The following LIN7A variants were observed in gnomAD, a reference collection of about 807,000 sequenced individuals.
LIN7A encodes protein lin-7 homolog A.
Under a neutral mutation model 29.8 loss-of-function variants are expected in LIN7A, and 25 were observed. The observed-to-expected ratio is 0.84, with a 90% CI of 0.61 to 1.17. LIN7A has a LOEUF of 1.17. Among genes scored for constraint, LIN7A ranks in the 50% most tolerant of loss-of-function variants. The pLI, the probability that LIN7A is intolerant of heterozygous loss-of-function variation, is 0.00. For missense variants in LIN7A, 239 were observed against 287.0 expected (o/e 0.83, Z 1.21); for synonymous variants, 118 against 107.5 (o/e 1.10, Z -0.60).
chr12:80,859,376 C>T (rs557255465), intron 2 of LIN7A, among the ~76,000 whole-genome samples: 31 of 152,252 alleles, frequency 2.0e-4, no homozygotes, highest in Non-Finnish European at 3.8e-4. Context: ...TTGTTTGAGT[C>T]ATTTTGTGAT....
rs1870442141 is a variant in LIN7A at position 80,796,199 on chromosome 12, T to C, written c.*1528A>G. 1 of 152,190 alleles carries C rather than the reference T, an allele frequency of 6.6e-6. No individual in the cohort carries two copies. The highest frequency in any genetic ancestry group is 2.4e-5 in the African/African-American group (1 of 41,454). 9.4% of individuals were successfully genotyped at this position (152,190 alleles called of 1,614,324 possible). ...TTATCTGAAGTGTCAAATTGTATTG[T>C]ATCTTGGGGAATCAATTTCTGTATT... On this transcript the variant is annotated 3_prime_UTR_variant, in exon 6 of 6. Transcript: ENST00000552864.
intron 2 of LIN7A, among the ~76,000 whole-genome samples, chr12:80,868,429 G>A (rs192788164): frequency 6.6e-6 from 1 of 152,306 alleles, no homozygotes; most frequent in East Asian, 1.9e-4. Flanking sequence ...TTTGCTAGGT[G>A]TGATGGCGCA....
Position 80,889,376 on chromosome 12 carries a change from G to T in LIN7A, c.83-7C>A, listed in dbSNP as rs763505883. 6.2e-6 allele frequency: 9 copies of T among 1,462,434 alleles called. No individual in the cohort carries two copies. Among genetic ancestry groups the T allele is most frequent in the Non-Finnish European group, 8.6e-6 (9 of 1,047,486 alleles). The allele number at this position is 1,462,434 out of a possible 1,614,324, so 90.6% of individuals were successfully genotyped here. ...TCAATTGCTCTTGCAACATCTGAAT[G>T]AAAAAAAATGAAAATAGAGAAACCT... On this transcript the variant is annotated splice_region_variant and splice_polypyrimidine_tract_variant and intron_variant, in intron 1 of 5. Coordinates refer to ENST00000552864, the MANE Select transcript of LIN7A (RefSeq NM_004664.4).
intron 2 of LIN7A, among the ~76,000 whole-genome samples, chr12:80,886,160 CA>C (rs1479399144): frequency 6.6e-6 from 1 of 151,090 alleles, no homozygotes; most frequent in African/African-American, 2.4e-5. Flanking sequence ...CAGATAACCA[CA>C]AAGATTCTGA....
At chr12:80,891,634 C>T (rs1427404018) in intron 1 of LIN7A, among the ~76,000 whole-genome samples, 2 of 152,116 alleles carry the variant, frequency 1.3e-5, no homozygotes, top group Non-Finnish European at 2.9e-5. Flanking sequence ...GGGCAGGGGT[C>T]ACAGACATGC....
At chr12:80,806,725 T>C (rs1871007809) in intron 5 of LIN7A, among the ~76,000 whole-genome samples, 1 of 152,234 alleles carries the variant, frequency 6.6e-6, no homozygotes, top group Admixed American at 6.5e-5. Flanking sequence ...TAGTAAGAAT[T>C]AGCAAGTGTG....
intron 4 of LIN7A, among the ~76,000 whole-genome samples, chr12:80,828,917 G>A (rs1872213439): frequency 6.6e-6 from 1 of 152,066 alleles, no homozygotes; most frequent in Admixed American, 6.6e-5. Context: ...AACGGATTGA[G>A]GAAAACAGTT....
At chr12:80,922,674 C>A (rs1159566046) in intron 1 of LIN7A, among the ~76,000 whole-genome samples, 1 of 152,134 alleles carries the variant, frequency 6.6e-6, no homozygotes, top group Non-Finnish European at 1.5e-5. Context: ...AGTAATCCCC[C>A]CTTATCCTCA....
chr12:80,837,622 G>T (rs1464914494), intron 4 of LIN7A, among the ~76,000 whole-genome samples: 1 of 152,134 alleles, frequency 6.6e-6, no homozygotes, highest in Non-Finnish European at 1.5e-5. Flanking sequence ...TTGGCTTCCA[G>T]GGCTGTGAGA....
intron 4 of LIN7A, among the ~76,000 whole-genome samples, chr12:80,824,866 A>C (rs545212973): frequency 6.6e-6 from 1 of 152,376 alleles, no homozygotes; most frequent in African/African-American, 2.4e-5. Context: ...ACATACCTTA[A>C]GGTAATAAAA....
chr12:80,852,470 A>G (rs765632403), intron 2 of LIN7A, among the ~76,000 whole-genome samples: 2 of 152,112 alleles, frequency 1.3e-5, no homozygotes, highest in African/African-American at 2.4e-5. Flanking sequence ...TTAGTTGTCT[A>G]TTATGTAAAA....
At chr12:80,833,478 C>T (rs1872469795) in intron 4 of LIN7A, among the ~76,000 whole-genome samples, 2 of 152,174 alleles carry the variant, frequency 1.3e-5, no homozygotes, top group Admixed American at 6.5e-5. Context: ...GTTGATCTTC[C>T]ACCTCCGGCT....
intron 1 of LIN7A, among the ~76,000 whole-genome samples, chr12:80,931,641 GA>G (rs796841053): frequency 0.21 from 22,137 of 104,836 alleles, 1,668 homozygotes; most frequent in African/African-American, 0.26. Flanking sequence ...CTGTCAAAAA[GA>G]AAAAAAAAAA....
chr12:80,904,800 A>T (rs1209924144), intron 1 of LIN7A, among the ~76,000 whole-genome samples: 2 of 152,154 alleles, frequency 1.3e-5, no homozygotes, highest in African/African-American at 4.8e-5. Context: ...TTAATCATAA[A>T]TTTTTTTATG....
intron 1 of LIN7A, among the ~76,000 whole-genome samples, chr12:80,912,686 G>A (rs1476871205): frequency 1.4e-5 from 2 of 146,062 alleles, no homozygotes; most frequent in African/African-American, 5.2e-5. Context: ...CTGCACTCCA[G>A]CCTGGGTGAC....
At chr12:80,836,039 T>C (rs1872577076) in intron 4 of LIN7A, among the ~76,000 whole-genome samples, 1 of 152,208 alleles carries the variant, frequency 6.6e-6, no homozygotes, top group South Asian at 2.1e-4. Flanking sequence ...CATTTCATAA[T>C]GAACAGCCTC....
intron 4 of LIN7A, among the ~76,000 whole-genome samples, chr12:80,829,250 A>G (rs1328635099): frequency 6.6e-6 from 1 of 152,218 alleles, no homozygotes; most frequent in African/African-American, 2.4e-5. Context: ...ATTTTAGCAA[A>G]GTTACCTCAA....
intron 1 of LIN7A, among the ~76,000 whole-genome samples, chr12:80,925,956 T>C (rs1331995475): frequency 6.6e-6 from 1 of 152,224 alleles, no homozygotes; most frequent in Admixed American, 6.5e-5. Flanking sequence ...TTCTTCTAGT[T>C]ACTGCTTGCT....
At chr12:80,918,841 A>T (rs146334532) in intron 1 of LIN7A, among the ~76,000 whole-genome samples, 2 of 152,238 alleles carry the variant, frequency 1.3e-5, no homozygotes, top group South Asian at 4.1e-4. Context: ...ATTTCAGTCA[A>T]TGAGGAGCTG....
Sources: allele counts gnomAD v4.1 joint callset (sites outside exome capture counted in the v4.1 genomes callset), GRCh38; gene constraint gnomAD v4.1.1; transcripts MANE v1.5; gene names NCBI Gene and HGNC (gene_info 2026-07-23, HGNC 2026-07-21).